The following CACNA2D1 variants were observed in gnomAD, a reference collection of about 807,000 sequenced individuals.
CACNA2D1 encodes voltage-dependent calcium channel subunit alpha-2/delta-1.
A neutral mutation model predicts 171.5 loss-of-function variants in CACNA2D1; 53 were observed. The observed-to-expected ratio is 0.31, with a 90% confidence interval of 0.25 to 0.39. CACNA2D1 has a LOEUF of 0.39. Ranked by LOEUF, CACNA2D1 falls within the 10% of genes least tolerant of loss-of-function variation. CACNA2D1 has a pLI of 1.00. For missense variants in CACNA2D1, 903 were observed against 1,299.8 expected (o/e 0.69, Z 4.69); for synonymous variants, 442 against 443.1 (o/e 1.00, Z 0.03).
chr7:82,384,905 C>A (rs1824157374), intron 1 of CACNA2D1, among the ~76,000 whole-genome samples: 1 of 152,136 alleles, frequency 6.6e-6, no homozygotes, highest in Non-Finnish European at 1.5e-5. Flanking sequence ...AACTTTGGGG[C>A]ATGATGTAAG....
intron 3 of CACNA2D1, among the ~76,000 whole-genome samples, chr7:82,173,738 G>A (rs375798395): frequency 6.6e-6 from 1 of 151,784 alleles, no homozygotes; most frequent in Non-Finnish European, 1.5e-5. Flanking sequence ...AATGGCACCG[G>A]TGAATTGTGT....
intron 35 of CACNA2D1, 139 bp from the exon 36 acceptor site, chr7:81,962,162 T>C: frequency 1.3e-6 from 1 of 759,704 alleles, no homozygotes; most frequent in Non-Finnish European, 2.2e-6. Context: ...TGTTTACTGC[T>C]GTGTAATATC....
intron 3 of CACNA2D1, among the ~76,000 whole-genome samples, chr7:82,271,408 AATAT>A (rs1313402872): frequency 2.6e-5 from 4 of 152,070 alleles, no homozygotes; most frequent in African/African-American, 4.8e-5. Flanking sequence ...TTATCATCTA[AATAT>A]ATAGTTATTT....
At chr7:82,101,131 T>C (rs984950726) in intron 6 of CACNA2D1, among the ~76,000 whole-genome samples, 1 of 152,112 alleles carries the variant, frequency 6.6e-6, no homozygotes, top group Non-Finnish European at 1.5e-5. Context: ...GTAGATTAAA[T>C]TTGTAGTCAC....
intron 3 of CACNA2D1, among the ~76,000 whole-genome samples, chr7:82,298,845 C>A (rs976889787): frequency 6.6e-6 from 1 of 151,838 alleles, no homozygotes; most frequent in Non-Finnish European, 1.5e-5. Context: ...GGCGGATCAC[C>A]TGCGGTCAGG....
chr7:82,119,255 G>T (rs1205072656), intron 5 of CACNA2D1, among the ~76,000 whole-genome samples: 1 of 152,120 alleles, frequency 6.6e-6, no homozygotes, highest in Non-Finnish European at 1.5e-5. Flanking sequence ...ATACAAATGT[G>T]TACAGAGAAA....
chr7:82,221,465 C>G (rs1801752038), intron 3 of CACNA2D1, among the ~76,000 whole-genome samples: 1 of 152,216 alleles, frequency 6.6e-6, no homozygotes, highest in Non-Finnish European at 1.5e-5. Flanking sequence ...CCAACCTCAG[C>G]CGGGGGCGGT....
chr7:82,065,858 A>G (rs1807535345), intron 8 of CACNA2D1, among the ~76,000 whole-genome samples: 1 of 152,208 alleles, frequency 6.6e-6, no homozygotes, highest in South Asian at 2.1e-4. Flanking sequence ...CACATTAAAT[A>G]CATTTTTAAA....
chr7:82,353,486 A>G (rs1820077045), intron 1 of CACNA2D1, among the ~76,000 whole-genome samples: 1 of 152,120 alleles, frequency 6.6e-6, no homozygotes, highest in Admixed American at 6.6e-5. Flanking sequence ...AAGCTCTTGA[A>G]AGAGAAATCT....
At chr7:82,400,037 C>A (rs1349550921) in intron 1 of CACNA2D1, among the ~76,000 whole-genome samples, 1 of 151,544 alleles carries the variant, frequency 6.6e-6, no homozygotes, top group Admixed American at 6.6e-5. Flanking sequence ...TTTCTGAGGG[C>A]TCTGTTCTGT....
At chr7:82,018,346 T>C (rs985366523) in intron 12 of CACNA2D1, among the ~76,000 whole-genome samples, 7 of 152,308 alleles carry the variant, frequency 4.6e-5, no homozygotes, top group Non-Finnish European at 1.0e-4. Flanking sequence ...TTTCTACTTC[T>C]TACCAGAGGG....
intron 6 of CACNA2D1, among the ~76,000 whole-genome samples, chr7:82,111,442 A>ATTTTTTT (rs1228823349): frequency 2.0e-5 from 2 of 98,892 alleles, no homozygotes; most frequent in Non-Finnish European, 2.0e-5. Flanking sequence ...ATATATATAT[A>ATTTTTTT]TATTTTTTTT....
chr7:82,035,207 T>A (rs890091260), intron 11 of CACNA2D1, among the ~76,000 whole-genome samples: 1 of 152,022 alleles, frequency 6.6e-6, no homozygotes, highest in Admixed American at 6.6e-5. Flanking sequence ...TTTTGAAAAA[T>A]GCATATATAT....
At chr7:82,085,884 G>A (rs1243023446) in intron 6 of CACNA2D1, among the ~76,000 whole-genome samples, 2 of 151,768 alleles carry the variant, frequency 1.3e-5, no homozygotes, top group Non-Finnish European at 2.9e-5. Flanking sequence ...ATATAATATG[G>A]GTTAAAATAG....
chr7:82,128,995 A>T (rs1287336943), intron 5 of CACNA2D1, among the ~76,000 whole-genome samples: 1 of 152,154 alleles, frequency 6.6e-6, no homozygotes, highest in Non-Finnish European at 1.5e-5. Context: ...ATTCAAATTC[A>T]TTTTGTTTTT....
chr7:82,314,741 C>G (rs966419051), intron 3 of CACNA2D1, among the ~76,000 whole-genome samples: 1 of 151,874 alleles, frequency 6.6e-6, no homozygotes, highest in Non-Finnish European at 1.5e-5. Context: ...AAAAAAAGAC[C>G]CTGTCACTGT....
chr7:82,050,451 G>A (rs1721640386), intron 10 of CACNA2D1: 2 of 619,310 alleles, frequency 3.2e-6, no homozygotes, highest in African/African-American at 1.8e-5. Context: ...ACAGCCAGGG[G>A]TCACCTGCAT....
chr7:82,189,383 T>C (rs1007623912), intron 3 of CACNA2D1, among the ~76,000 whole-genome samples: 1 of 151,950 alleles, frequency 6.6e-6, no homozygotes, highest in Non-Finnish European at 1.5e-5. Context: ...ATTTAGCTGA[T>C]AGTGCTCTAA....
At chr7:82,294,189 T>G (rs887036227) in intron 3 of CACNA2D1, among the ~76,000 whole-genome samples, 1 of 152,174 alleles carries the variant, frequency 6.6e-6, no homozygotes, top group African/African-American at 2.4e-5. Context: ...GGCTATATTT[T>G]AATATGGCTA....
Sources: allele counts gnomAD v4.1 joint callset (sites outside exome capture counted in the v4.1 genomes callset), GRCh38; gene constraint gnomAD v4.1.1; transcripts MANE v1.5; gene names NCBI Gene and HGNC (gene_info 2026-07-23, HGNC 2026-07-21).